The following OBI1 variants were observed in gnomAD, a reference collection of about 807,000 sequenced individuals.
OBI1 encodes the protein ORC ubiquitin ligase 1.
OBI1 carries 59 observed loss-of-function variants against 62.4 expected under a neutral mutation model. The ratio of observed to expected loss-of-function variants is 0.95; its 90% confidence interval spans 0.77 to 1.17. The LOEUF (loss-of-function observed/expected upper bound fraction) is 1.17, where lower values mean the gene tolerates loss of function less well. Among genes scored for constraint, OBI1 ranks in the 50% most tolerant of loss-of-function variants. The pLI is 0.00. For missense variants in OBI1, 875 were observed against 830.9 expected (o/e 1.05, Z -0.65); for synonymous variants, 302 against 292.8 (o/e 1.03, Z -0.32).
intron 1 of OBI1, among the ~76,000 whole-genome samples, chr13:78,648,773 C>T (rs973932819): frequency 3.3e-5 from 5 of 151,922 alleles, no homozygotes; most frequent in Non-Finnish European, 4.4e-5. Flanking sequence ...ATTAGCAGGT[C>T]TTAGTGGCGT....
Position 78,645,124 on chromosome 13 carries a change from G to T in OBI1, c.73-127C>A, listed in dbSNP as rs969855533. The T allele has an allele frequency of 3.4e-6, 3 of 876,558 alleles. No individual in the cohort carries two copies. The African/African-American group carries it at 5.1e-5, about 15-fold the overall frequency. The allele number at this position is 876,558 out of a possible 1,614,324, so 54.3% of individuals were successfully genotyped here. On this transcript the variant is annotated intron_variant, in intron 1 of 5. Coordinates refer to ENST00000282003, the MANE Select transcript of OBI1 (RefSeq NM_024546.4). ...AGGAGTTTAAGAAGGGATATCTAGC[G>T]CTTTTAAAAACACTGCTTCTGTTGG...
chr13:78,656,822 A>G (rs1876724725), intron 1 of OBI1, among the ~76,000 whole-genome samples: 1 of 133,498 alleles, frequency 7.5e-6, no homozygotes, highest in South Asian at 2.5e-4. Context: ...TTTGAGACAA[A>G]GTCTCACTCT....
intron 5 of OBI1, among the ~76,000 whole-genome samples, chr13:78,629,872 C>T (rs568184522): frequency 2.4e-4 from 36 of 152,170 alleles, no homozygotes; most frequent in Admixed American, 1.3e-3. Flanking sequence ...ATGATGGTCA[C>T]AGTAGAGAGA....
At position 78,614,293 on chromosome 13, in the gene OBI1, G is replaced by A. The variant is rs1875166278; in HGVS notation, c.*1287C>T. On this transcript the variant is annotated 3_prime_UTR_variant, in exon 6 of 6. Transcript: ENST00000282003. The stretch of plus-strand genomic sequence containing the variant: ...ATCATCATCGACATCAAGGAACACA[G>A]TGCTTATGACATTCTTTATTCAATT... 6.6e-6 allele frequency: 1 copy of A among 152,414 alleles called. No homozygotes were observed. 9.4% of individuals were successfully genotyped at this position (152,414 alleles called of 1,614,324 possible). A position where few individuals can be genotyped will look rare whatever the true frequency, so the allele number is the denominator to read the frequency against.
chr13:78,651,031 T>C (rs1876528543), intron 1 of OBI1, among the ~76,000 whole-genome samples: 1 of 152,200 alleles, frequency 6.6e-6, no homozygotes, highest in Non-Finnish European at 1.5e-5. Context: ...CACCAATATT[T>C]TATGTATCAC....
chr13:78,656,248 C>T (rs886953643), intron 1 of OBI1, among the ~76,000 whole-genome samples: 2 of 152,084 alleles, frequency 1.3e-5, no homozygotes, highest in Non-Finnish European at 2.9e-5. Flanking sequence ...ATGTTATTAC[C>T]ATATTTTTAC....
chr13:78,659,125 G>C lies in OBI1; in HGVS notation c.-5C>G, dbSNP rs1399786063. The C allele has an allele frequency of 1.2e-6, 2 of 1,609,948 alleles. No homozygotes were observed. The highest frequency in any genetic ancestry group is 1.3e-5 in the African/African-American group (1 of 74,698). ...ATTCTGCACGGTCTGAGCCATGGCAGCGTTCAGAATCCCGCCAACACGGAA... is the reference window on the plus strand; with the variant it reads ...ATTCTGCACGGTCTGAGCCATGGCACCGTTCAGAATCCCGCCAACACGGAA... On this transcript the variant is annotated 5_prime_UTR_variant, in exon 1 of 6. Coordinates refer to ENST00000282003, the MANE Select transcript of OBI1 (RefSeq NM_024546.4).
At position 78,616,741 on chromosome 13, in the gene OBI1, C is replaced by G; in HGVS notation, c.1020G>C (p.Lys340Asn). The change falls in exon 6 of 6, where the codon AAG becomes AAC. Residue 340 changes from lysine to asparagine, a missense_variant. Lys to Asn is a moderately conservative substitution (Grantham distance 94). Transcript: ENST00000282003. ...CCTGTTCTTGATATAGGTCTTTGTT[C>G]TTAGAACAGTTAAGGTCTGCTTTGC... ...STSKADLNCS[K>N]NKDLYQEQVE... 6.2e-7 allele frequency: 1 copy of G among 1,614,124 alleles called. No homozygotes were observed. The highest frequency in any genetic ancestry group is 8.5e-7 in the Non-Finnish European group (1 of 1,180,020).
At chr13:78,622,741 C>A in intron 5 of OBI1, among the ~76,000 whole-genome samples, 1 of 152,118 alleles carries the variant, frequency 6.6e-6, no homozygotes, top group South Asian at 2.1e-4. Flanking sequence ...AAGTGAGTAG[C>A]CTTAACAGGA....
chr13:78,621,744 T>C (rs1224170242), intron 5 of OBI1, among the ~76,000 whole-genome samples: 2 of 152,144 alleles, frequency 1.3e-5, no homozygotes, highest in African/African-American at 4.8e-5. Context: ...AAAGTGGTGG[T>C]GAAAAGGATG....
chr13:78,650,942 T>C lies in OBI1; in HGVS notation c.73-5945A>G, dbSNP rs532280913. On this transcript the variant is annotated intron_variant, in intron 1 of 5. Coordinates refer to ENST00000282003, the MANE Select transcript of OBI1 (RefSeq NM_024546.4). ...CAGAGCTATCTCTGAATCACTCTTT[T>C]TACTTATCCTCACCATCCAAACTGT... 4.3e-4 allele frequency among the ~76,000 whole-genome samples: 66 copies of C among 152,260 alleles called. No individual in the cohort carries two copies. The South Asian group carries it at 0.013, about 30-fold the overall frequency.
intron 5 of OBI1, among the ~76,000 whole-genome samples, chr13:78,618,925 T>C (rs1355568145): frequency 6.6e-6 from 1 of 152,194 alleles, no homozygotes; most frequent in East Asian, 1.9e-4. Context: ...GTACATTAAG[T>C]ACAAATGTTT....
intron 5 of OBI1, among the ~76,000 whole-genome samples, chr13:78,621,753 T>A (rs1315606202): frequency 6.6e-6 from 1 of 152,192 alleles, no homozygotes; most frequent in Non-Finnish European, 1.5e-5. Context: ...GTGAAAAGGA[T>A]GAAGATGTCT....
intron 5 of OBI1, among the ~76,000 whole-genome samples, chr13:78,633,160 G>A (rs932754912): frequency 1.3e-5 from 2 of 152,144 alleles, no homozygotes; most frequent in Non-Finnish European, 2.9e-5. Flanking sequence ...TGACTGGCAA[G>A]GCAAGCTGCC....
At chr13:78,639,609 T>C (rs901694918) in intron 3 of OBI1, among the ~76,000 whole-genome samples, 3 of 146,392 alleles carry the variant, frequency 2.0e-5, no homozygotes, top group Non-Finnish European at 4.5e-5. Context: ...CCAACAATGA[T>C]AGACTGGATT....
chr13:78,643,788 C>CAA (rs907536804), intron 2 of OBI1, among the ~76,000 whole-genome samples: 1 of 143,090 alleles, frequency 7.0e-6, no homozygotes, highest in African/African-American at 2.6e-5. Context: ...AACTCTGTCT[C>CAA]AAAAAAAAAA....
In OBI1 at chr13:78,615,424, T is replaced by C. The variant is rs2137420307; in HGVS notation, c.*156A>G. ...AAGTCTTTTCAAAATGAACAATAAG[T>C]ATTCTGGGTACAGGTTAATCCACCA... On this transcript the variant is annotated 3_prime_UTR_variant, in exon 6 of 6. Coordinates refer to ENST00000282003, the MANE Select transcript of OBI1 (RefSeq NM_024546.4). 1 of 483,406 alleles carries C rather than the reference T, an allele frequency of 2.1e-6. No homozygotes were observed. The highest frequency in any genetic ancestry group is 3.7e-5 in the Admixed American group (1 of 26,750). 29.9% of individuals were successfully genotyped at this position (483,406 alleles called of 1,614,324 possible).
chr13:78,651,640 T>G (rs960816531), intron 1 of OBI1, among the ~76,000 whole-genome samples: 1 of 152,138 alleles, frequency 6.6e-6, no homozygotes, highest in African/African-American at 2.4e-5. Context: ...TCCCTCCTTT[T>G]AAGATGCAAA....
intron 3 of OBI1, among the ~76,000 whole-genome samples, chr13:78,640,898 C>CCAGATATT (rs1415058641): frequency 6.6e-6 from 1 of 152,214 alleles, no homozygotes; most frequent in Non-Finnish European, 1.5e-5. Context: ...TTCTACTTTT[C>CCAGATATT]ATTCCAGAAT....
Sources: gnomAD v4.1 joint callset for allele counts (sites outside exome capture counted in the v4.1 genomes callset) on GRCh38, gnomAD v4.1.1 for gene constraint, MANE v1.5 for transcripts, NCBI Gene and HGNC (gene_info 2026-07-23, HGNC 2026-07-21) for gene names.